TSHR: variants seen among roughly 807,000 people sequenced by gnomAD.
The protein encoded by TSHR is thyrotropin receptor.
In TSHR, 51 loss-of-function variants were observed where a neutral mutation model predicts 64.1. That is an observed-to-expected ratio of 0.80 (90% CI 0.64 to 1.01). The LOEUF (loss-of-function observed/expected upper bound fraction) is 1.01. Among genes scored for constraint, TSHR ranks in the 50% least tolerant of loss-of-function variants. TSHR has a pLI of 0.00. For missense variants in TSHR, 877 were observed against 942.8 expected (o/e 0.93, Z 0.91); for synonymous variants, 361 against 361.9 (o/e 1.00, Z 0.03).
In TSHR at chr14:81,103,621, C is replaced by T. The variant is rs1443424447; in HGVS notation, c.615-4754C>T. On this transcript the variant is annotated intron_variant, in intron 7 of 9. Transcript: ENST00000298171. The surrounding 1 kb of genome is among the most constrained non-coding windows in gnomAD (Gnocchi z 4.1). ...TGTGTAAAAGCACATTGTCCTATGA[C>T]TTCCTATGGCGCCAAGAATGTTGTC... 1.0e-6 allele frequency: 1 copy of T among 985,328 alleles called. No homozygotes were observed. The highest frequency in any genetic ancestry group is 1.7e-5 in the African/African-American group (1 of 57,254). 61.0% of individuals were successfully genotyped at this position (985,328 alleles called of 1,614,324 possible).
intron 1 of TSHR, chr14:81,003,635 T>C (rs1889454589): frequency 1.1e-5 from 2 of 177,622 alleles, no homozygotes; most frequent in South Asian, 2.6e-4. Flanking sequence ...GTCGAGTGAA[T>C]AGCAAACCAT....
intron 8 of TSHR, among the ~76,000 whole-genome samples, chr14:81,118,884 A>C (rs1045103260): frequency 2.0e-5 from 3 of 149,668 alleles, no homozygotes; most frequent in Non-Finnish European, 4.4e-5. Context: ...CATGTCTACA[A>C]CTATCTGATC....
rs543257432 is a variant in TSHR at position 81,090,636 on chromosome 14, A to T, written c.393-433A>T. 1.9e-3 allele frequency among the ~76,000 whole-genome samples: 284 copies of T among 152,312 alleles called. 1 individual carries two copies. Among genetic ancestry groups the T allele is most frequent in the Non-Finnish European group, 2.6e-3 (178 of 68,038 alleles). On this transcript the variant is annotated intron_variant, in intron 4 of 9. Transcript: ENST00000298171. ...CTTGGCAAAATAACAGCATAATATC[A>T]TGTAGAGCTTGAAAGAGGAAGCTGG...
At chr14:81,026,040 C>T (rs185774061) in intron 1 of TSHR, among the ~76,000 whole-genome samples, 2 of 152,290 alleles carry the variant, frequency 1.3e-5, no homozygotes, top group South Asian at 2.1e-4. Flanking sequence ...CAAGAAACCC[C>T]TCCAATGCAG....
intron 1 of TSHR, chr14:81,012,098 A>T: frequency 1.6e-5 from 1 of 64,400 alleles, no homozygotes; most frequent in South Asian, 4.9e-4. Flanking sequence ...CCTTCCCCCC[A>T]CCCCACAACA....
intron 3 of TSHR, among the ~76,000 whole-genome samples, chr14:81,079,847 C>T (rs1338153861): frequency 6.7e-6 from 1 of 148,230 alleles, no homozygotes; most frequent in African/African-American, 2.5e-5. Flanking sequence ...AGAATGAGAC[C>T]CCTAGCTCAA....
At position 81,103,050 on chromosome 14, in the gene TSHR, G is replaced by A; in HGVS notation, c.615-5325G>A. ...GAAATTTATTCTTTCCTAGATTTAA[G>A]CACTTCAGTAAAAGGTATCATGTAA... is the stretch of plus-strand genomic sequence containing the variant. On this transcript the variant is annotated intron_variant, in intron 7 of 9. Coordinates refer to ENST00000298171, the MANE Select transcript of TSHR (RefSeq NM_000369.5). The surrounding 1 kb of genome is among the most constrained non-coding windows in gnomAD (Gnocchi z 4.1). 3.0e-6 allele frequency: 3 copies of A among 985,288 alleles called. No homozygotes were observed. The highest frequency in any genetic ancestry group is 3.6e-6 in the Non-Finnish European group (3 of 829,908). 61.0% of individuals were successfully genotyped at this position (985,288 alleles called of 1,614,324 possible).
chr14:81,124,675 T>C lies in TSHR; in HGVS notation c.693-15004T>C, dbSNP rs796527002. 5.9e-5 allele frequency among the ~76,000 whole-genome samples: 9 copies of C among 151,986 alleles called. No individual in the cohort carries two copies. In the East Asian group the frequency reaches 1.7e-3, roughly 29 times the overall value. ...ATTTTCTATTCTCACCAGCAAGGTA[T>C]GAGCATTTTATACTGGCCAATGCTT... On this transcript the variant is annotated intron_variant, in intron 8 of 9. Coordinates refer to ENST00000298171, the MANE Select transcript of TSHR (RefSeq NM_000369.5).
At chr14:81,104,258 G>T in intron 7 of TSHR, 1 of 985,372 alleles carries the variant, frequency 1.0e-6, no homozygotes, top group Non-Finnish European at 1.2e-6. Context: ...TAGGCAGGGG[G>T]TCCCTTTAAT....
chr14:81,111,434 C>G (rs1422494029), intron 8 of TSHR, among the ~76,000 whole-genome samples: 1 of 152,160 alleles, frequency 6.6e-6, no homozygotes, highest in African/African-American at 2.4e-5. Context: ...CCTCTCAAAT[C>G]CACCCTCCCC....
chr14:80,960,041 C>A (rs1886935394), intron 1 of TSHR, among the ~76,000 whole-genome samples: 1 of 152,130 alleles, frequency 6.6e-6, no homozygotes, highest in Non-Finnish European at 1.5e-5. Context: ...ATACACTGAG[C>A]CTACAGCTGC....
chr14:81,085,231 G>A (rs1258364170), intron 3 of TSHR, among the ~76,000 whole-genome samples: 1 of 151,898 alleles, frequency 6.6e-6, no homozygotes, highest in Non-Finnish European at 1.5e-5. Context: ...CACCTGTCTC[G>A]GCCTCCCAAA....
chr14:81,068,166 A>G, intron 2 of TSHR, 88 bp from the exon 3 acceptor site: 6 of 1,280,038 alleles, frequency 4.7e-6, no homozygotes, highest in Non-Finnish European at 6.7e-6. Context: ...TGGGAAGCGC[A>G]TAACAAAAAG....
intron 1 of TSHR, among the ~76,000 whole-genome samples, chr14:81,059,618 T>C (rs575819626): frequency 1.3e-5 from 2 of 152,256 alleles, no homozygotes; most frequent in South Asian, 2.1e-4. Context: ...GACATTATTT[T>C]TATCTCAGGC....
intron 1 of TSHR, among the ~76,000 whole-genome samples, chr14:80,981,567 T>A (rs142898970): frequency 3.3e-5 from 5 of 152,290 alleles, no homozygotes; most frequent in African/African-American, 1.2e-4. Flanking sequence ...CCTTGCTATG[T>A]GAGCAGGCTG....
At chr14:81,032,428 C>T (rs1369199556) in intron 1 of TSHR, 1 of 270,920 alleles carries the variant, frequency 3.7e-6, no homozygotes, top group African/African-American at 2.3e-5. Flanking sequence ...TTCCAATCGC[C>T]TACCTTGCAA....
At chr14:81,083,468 TA>T (rs10604790) in intron 3 of TSHR, among the ~76,000 whole-genome samples, 10,670 of 144,174 alleles carry the variant, frequency 0.074, 822 homozygotes, top group African/African-American at 0.2. Flanking sequence ...AAACCTCATT[TA>T]AAAAAAAAAA....
intron 1 of TSHR, among the ~76,000 whole-genome samples, chr14:81,016,798 G>A (rs1163719185): frequency 1.3e-5 from 2 of 152,098 alleles, no homozygotes; most frequent in African/African-American, 2.4e-5. Flanking sequence ...TCCATTTTGA[G>A]TTGATTTTTG....
intron 1 of TSHR, among the ~76,000 whole-genome samples, chr14:80,969,408 A>G (rs1390259952): frequency 1.3e-5 from 2 of 152,206 alleles, no homozygotes; most frequent in Non-Finnish European, 2.9e-5. Flanking sequence ...CATTGAAGTC[A>G]GAGAAGGCCA....
Sources: gnomAD v4.1 joint callset for allele counts (sites outside exome capture counted in the v4.1 genomes callset) on GRCh38, gnomAD v4.1.1 for gene constraint, Gnocchi (gnomAD v3.1) non-coding constraint, MANE v1.5 for transcripts, NCBI Gene and HGNC (gene_info 2026-07-23, HGNC 2026-07-21) for gene names.